DRC8: variants seen among roughly 807,000 people sequenced by gnomAD.
DRC8 encodes the protein dynein regulatory complex subunit 8.
At chr1:245,000,207 A>C in the DRC8 span, among the ~76,000 whole-genome samples, 1 of 152,258 alleles carries the variant, frequency 6.6e-6, no homozygotes, top group Admixed American at 6.5e-5. Context: ...ATATACTGTA[A>C]TAAAAGTTAT....
the DRC8 span, among the ~76,000 whole-genome samples, chr1:244,996,973 C>T: frequency 6.6e-6 from 1 of 152,146 alleles, no homozygotes; most frequent in African/African-American, 2.4e-5. Context: ...AACCTATGCA[C>T]ATCTTCTTGT....
At chr1:245,087,846 T>A in the DRC8 span, 1 of 689,462 alleles carries the variant, frequency 1.5e-6, no homozygotes, top group African/African-American at 1.9e-5. Context: ...TTTATTTTTT[T>A]ATGAGTGCCA....
chr1:245,099,905 C>T, the DRC8 span, among the ~76,000 whole-genome samples: 2 of 152,140 alleles, frequency 1.3e-5, no homozygotes, highest in South Asian at 2.1e-4. Flanking sequence ...TCACCCTCCC[C>T]GCCGGCCATC....
chr1:245,085,261 G>C, the DRC8 span, among the ~76,000 whole-genome samples: 14 of 152,238 alleles, frequency 9.2e-5, no homozygotes, highest in South Asian at 1.2e-3. Flanking sequence ...GGAAAACTTG[G>C]TTTGGGAAGA....
At chr1:245,056,596 T>C in the DRC8 span, among the ~76,000 whole-genome samples, 3 of 152,236 alleles carry the variant, frequency 2.0e-5, no homozygotes, top group Non-Finnish European at 1.5e-5. Flanking sequence ...TTCCATTTTC[T>C]GTTAGCCACA....
the DRC8 span, among the ~76,000 whole-genome samples, chr1:245,007,189 G>A: frequency 2.0e-5 from 3 of 152,058 alleles, no homozygotes; most frequent in African/African-American, 7.2e-5. Flanking sequence ...TCCAGGTTGT[G>A]GGCCATTCTG....
chr1:245,062,695 G>A, the DRC8 span, among the ~76,000 whole-genome samples: 6 of 152,268 alleles, frequency 3.9e-5, no homozygotes, highest in East Asian at 1.2e-3. Flanking sequence ...TTTTATTGGG[G>A]TGACCATCTG....
At chr1:245,098,061 A>T in the DRC8 span, among the ~76,000 whole-genome samples, 1 of 152,076 alleles carries the variant, frequency 6.6e-6, no homozygotes, top group East Asian at 1.9e-4. Context: ...GGCCGGGGAG[A>T]TAATGGTGGA....
At chr1:245,028,123 C>G in the DRC8 span, among the ~76,000 whole-genome samples, 1 of 152,186 alleles carries the variant, frequency 6.6e-6, no homozygotes, top group East Asian at 1.9e-4. Flanking sequence ...CTTCCGGGCT[C>G]AAGCAATCTG....
chr1:245,048,550 T>A, the DRC8 span, among the ~76,000 whole-genome samples: 2 of 152,138 alleles, frequency 1.3e-5, no homozygotes, highest in South Asian at 4.2e-4. Context: ...ATTTAAAAAA[T>A]TTCAAACTTC....
chr1:244,986,331 G>T, the DRC8 span, among the ~76,000 whole-genome samples: 1 of 152,120 alleles, frequency 6.6e-6, no homozygotes, highest in South Asian at 2.1e-4. Context: ...GTAACAGATG[G>T]AACTGCGAAT....
At chr1:245,074,642 A>G in the DRC8 span, among the ~76,000 whole-genome samples, 1 of 152,236 alleles carries the variant, frequency 6.6e-6, no homozygotes, top group East Asian at 1.9e-4. Context: ...GCACTTAAAT[A>G]GGAAAGGAAT....
chr1:245,042,543 GTCTT>G, the DRC8 span, among the ~76,000 whole-genome samples: 1 of 152,350 alleles, frequency 6.6e-6, no homozygotes, highest in East Asian at 1.9e-4. Flanking sequence ...TAAGGGCGAG[GTCTT>G]TATTTTGTTC....
At chr1:245,004,591 A>G in the DRC8 span, among the ~76,000 whole-genome samples, 6 of 152,174 alleles carry the variant, frequency 3.9e-5, no homozygotes, top group Non-Finnish European at 8.8e-5. Flanking sequence ...TTTCTCTAAC[A>G]TTTCCCAAAA....
the DRC8 span, among the ~76,000 whole-genome samples, chr1:245,049,489 T>C: frequency 1.3e-5 from 2 of 152,166 alleles, no homozygotes; most frequent in East Asian, 1.9e-4. This position sits in a 1 kb window ranked among gnomAD's most constrained non-coding sequence, Gnocchi z 4.5. Flanking sequence ...GGGGCCAGCC[T>C]GTGATATAAA....
chr1:245,021,955 T>C, the DRC8 span, among the ~76,000 whole-genome samples: 1 of 152,084 alleles, frequency 6.6e-6, no homozygotes, highest in African/African-American at 2.4e-5. Context: ...TATAAGCACG[T>C]ACCACACCTG....
chr1:245,024,630 C>T, the DRC8 span, among the ~76,000 whole-genome samples: 1 of 151,092 alleles, frequency 6.6e-6, no homozygotes, highest in Non-Finnish European at 1.5e-5. Flanking sequence ...TCACTGCAAC[C>T]TCTGCCTCCT....
At chr1:245,015,624 C>T in the DRC8 span, 9 of 170,280 alleles carry the variant, frequency 5.3e-5, no homozygotes, top group South Asian at 7.0e-4. Flanking sequence ...GCAAGAGAAT[C>T]GCTTGAACCC....
At chr1:245,048,720 TTTA>T in the DRC8 span, among the ~76,000 whole-genome samples, 3 of 152,110 alleles carry the variant, frequency 2.0e-5, no homozygotes, top group East Asian at 1.9e-4. Flanking sequence ...ATTTATACAT[TTTA>T]TTATTATTGT....
Sources: allele counts gnomAD v4.1 joint callset (sites outside exome capture counted in the v4.1 genomes callset), GRCh38; gene constraint gnomAD v4.1.1; non-coding constraint Gnocchi (gnomAD v3.1); transcripts MANE v1.5; gene names NCBI Gene and HGNC (gene_info 2026-07-23, HGNC 2026-07-21).